The following ZNF236 variants were observed in gnomAD, a reference collection of about 807,000 sequenced individuals.
ZNF236 encodes zinc finger protein 236.
Under a neutral mutation model 191.2 loss-of-function variants are expected in ZNF236, and 50 were observed. The observed-to-expected ratio is 0.26, with a 90% CI of 0.21 to 0.33. The LOEUF (loss-of-function observed/expected upper bound fraction) is 0.33, where lower values mean the gene tolerates loss of function less well. ZNF236 is among the 10% of genes least tolerant of loss of function. ZNF236 has a pLI of 1.00. For missense variants in ZNF236, 1,754 were observed against 2,374.5 expected (o/e 0.74, Z 5.43); for synonymous variants, 907 against 928.8 (o/e 0.98, Z 0.43).
Position 76,912,250 on chromosome 18 carries a change from C to T in ZNF236, c.2812C>T (p.Arg938Cys), listed in dbSNP as rs375675852. ...PSSDGMNVTT[R>C]LIQESSQEEL... ...TACTTCTCTTAAATTTTAGACAACT[C>T]GCTTGATTCAGGAGTCATCCCAAGA... is the stretch of plus-strand genomic sequence containing the variant. Residue 938 changes from arginine (R) to cysteine (C), a missense_variant, in exon 17 of 31, where the codon CGC becomes TGC. This residue lies in a region of ZNF236 where 641 missense variants were observed against 869.6 expected (regional missense o/e 0.74). Transcript: ENST00000320610. 37 of 1,612,838 alleles carry T rather than the reference C, an allele frequency of 2.3e-5. No homozygotes were observed. The highest frequency in any genetic ancestry group is 2.0e-4 in the African/African-American group (15 of 74,866).
chr18:76,960,455 G>A lies in ZNF236; in HGVS notation c.5243-224G>A, dbSNP rs1375923371. Among the ~76,000 whole-genome samples, 1 of 152,070 alleles carries A rather than the reference G, an allele frequency of 6.6e-6. No homozygotes were observed. The highest frequency in any genetic ancestry group is 2.4e-5 in the African/African-American group (1 of 41,410). ...GCTGCATCCACCGTGGCCCTTCCAT[G>A]GCTCTCTGATCCCTCCGCCCCATCT... On this transcript the variant is annotated intron_variant, in intron 29 of 30. Transcript: ENST00000320610. The surrounding 1 kb of genome is among the most constrained non-coding windows in gnomAD (Gnocchi z 4.4).
rs187857008 is a variant in ZNF236, at chr18:76,864,480, G to A, written c.364-4205G>A. Among the ~76,000 whole-genome samples, 16 of 152,102 alleles carry A rather than the reference G, an allele frequency of 1.1e-4. No individual in the cohort carries two copies. In the East Asian group the frequency reaches 2.9e-3, roughly 28 times the overall value. On this transcript the variant is annotated intron_variant, in intron 3 of 30. Transcript: ENST00000320610. ...CTCCCAAAGTTCTGGGATTACAGGC[G>A]TGAGCCACCGCACCTGGCCAACAAA... is the stretch of plus-strand genomic sequence containing the variant.
intron 19 of ZNF236, among the ~76,000 whole-genome samples, chr18:76,918,930 G>A (rs959188908): frequency 5.3e-5 from 8 of 152,132 alleles, no homozygotes; most frequent in Admixed American, 2.0e-4. Flanking sequence ...AACTGCAGTC[G>A]GTTGAATCTA....
chr18:76,908,983 G>C (rs915580977), intron 14 of ZNF236, among the ~76,000 whole-genome samples: 1 of 141,032 alleles, frequency 7.1e-6, no homozygotes, highest in Admixed American at 6.8e-5. Context: ...GTGTGTGTGT[G>C]TGTGTGTGTG....
chr18:76,908,147 T>TTTA, intron 13 of ZNF236, among the ~76,000 whole-genome samples, 173 bp from the exon 14 acceptor site: 1 of 152,344 alleles, frequency 6.6e-6, no homozygotes, highest in East Asian at 1.9e-4. Flanking sequence ...AAACGAGCTC[T>TTTA]CTTCAGAGTT....
At chr18:76,912,164 T>C (rs1967233290) in intron 16 of ZNF236, 80 bp from the exon 17 acceptor site, 1 of 1,033,490 alleles carries the variant, frequency 9.7e-7, no homozygotes, top group East Asian at 2.5e-5. Flanking sequence ...GTTCTTATCC[T>C]TAGTTCTTAG....
chr18:76,881,523 T>C lies in ZNF236; in HGVS notation c.1417+11T>C. 1 of 1,604,212 alleles carries C rather than the reference T, an allele frequency of 6.2e-7. No homozygotes were observed. Among genetic ancestry groups the C allele is most frequent in the Non-Finnish European group, 8.5e-7 (1 of 1,176,582 alleles). On this transcript the variant is annotated intron_variant, in intron 9 of 30. Coordinates refer to ENST00000320610, the MANE Select transcript of ZNF236 (RefSeq NM_001306089.2). ...CACCGTTTCTACCTGGTAATTTTCC[T>C]AAACTTTAAAGTTTGGACATTTGGG...
intron 1 of ZNF236, among the ~76,000 whole-genome samples, chr18:76,847,504 C>G (rs1389224062): frequency 2.0e-5 from 3 of 151,832 alleles, no homozygotes; most frequent in Non-Finnish European, 2.9e-5. Context: ...CTCACTCTTT[C>G]ACCCAGGCTG....
At chr18:76,968,169 T>C in intron 30 of ZNF236, 46 bp from the exon 31 acceptor site, 2 of 1,610,694 alleles carry the variant, frequency 1.2e-6, no homozygotes, top group Non-Finnish European at 1.7e-6. Flanking sequence ...CATTTTGTGC[T>C]CTGGAAGGTC....
chr18:76,824,485 T>A, intron 1 of ZNF236: 3 of 779,990 alleles, frequency 3.8e-6, no homozygotes, highest in Non-Finnish European at 4.8e-6. Flanking sequence ...TTTAAGGAAG[T>A]CTTTGTTGCC....
At chr18:76,902,979 C>T (rs1034887622) in intron 11 of ZNF236, among the ~76,000 whole-genome samples, 15 of 151,960 alleles carry the variant, frequency 9.9e-5, no homozygotes, top group Non-Finnish European at 8.8e-5. Flanking sequence ...CTGCCTGGAG[C>T]GAGGTCTTTG....
In ZNF236 at chr18:76,919,802, C is replaced by T; in HGVS notation, c.3301C>T (p.His1101Tyr). The T allele has an allele frequency of 1.2e-6, 2 of 1,614,188 alleles. No homozygotes were observed. The highest frequency in any genetic ancestry group is 1.7e-6 in the Non-Finnish European group (2 of 1,180,000). The change falls in exon 20 of 31, where the codon CAT (histidine) becomes TAT (tyrosine). Residue 1101 changes from histidine (H) to tyrosine (Y), a missense_variant. Transcript: ENST00000320610. The surrounding 1 kb of genome is among the most constrained non-coding windows in gnomAD (Gnocchi z 5.3). Reference sequence around the variant, plus strand: ...CATTTGTATGGAGGAAGAGGAAGAACATTCTGACAGAAATGCATCACGGAA... The same window carrying T: ...CATTTGTATGGAGGAAGAGGAAGAATATTCTGACAGAAATGCATCACGGAA... ...GDICMEEEEE[H>Y]SDRNASRKSR...
chr18:76,882,987 A>G (rs1976940342), intron 9 of ZNF236, among the ~76,000 whole-genome samples: 1 of 152,196 alleles, frequency 6.6e-6, no homozygotes, highest in South Asian at 2.1e-4. Context: ...ATGCTTTCAC[A>G]TGGGCAGCAA....
chr18:76,857,553 G>C (rs181009420), intron 3 of ZNF236, among the ~76,000 whole-genome samples: 78 of 152,310 alleles, frequency 5.1e-4, no homozygotes, highest in Middle Eastern at 3.4e-3. Context: ...GTGCAAAGCA[G>C]AGGAGAGTAG....
At position 76,925,114 on chromosome 18, in the gene ZNF236, T is replaced by C; in HGVS notation, c.3662-75T>C. 6.4e-7 allele frequency: 1 copy of C among 1,552,626 alleles called. No individual in the cohort carries two copies. The highest frequency in any genetic ancestry group is 1.2e-5 in the South Asian group (1 of 80,764). On this transcript the variant is annotated intron_variant, in intron 21 of 30. Coordinates refer to ENST00000320610, the MANE Select transcript of ZNF236 (RefSeq NM_001306089.2). The surrounding 1 kb of genome is among the most constrained non-coding windows in gnomAD (Gnocchi z 5.7). ...TGATTCAACATATTTACATCCATAG[T>C]GACAGCTGAGTGGGGTGGGGGTGAG...
At chr18:76,862,287 A>G (rs1196113895) in intron 3 of ZNF236, among the ~76,000 whole-genome samples, 15 of 152,196 alleles carry the variant, frequency 9.9e-5, no homozygotes, top group Non-Finnish European at 1.3e-4. Flanking sequence ...GTACTGGGAA[A>G]AGGTTGGTCC....
chr18:76,931,614 C>T (rs956322159), intron 25 of ZNF236, among the ~76,000 whole-genome samples: 2 of 152,166 alleles, frequency 1.3e-5, no homozygotes, highest in Non-Finnish European at 1.5e-5. Flanking sequence ...AATTTTCTGA[C>T]ACCAGCTGAA....
intron 1 of ZNF236, chr18:76,840,757 C>T (rs1975462771): frequency 8.1e-6 from 1 of 123,916 alleles, no homozygotes; most frequent in Non-Finnish European, 1.6e-5. Flanking sequence ...CCTGTTTTAT[C>T]AGCAAGGTCT....
In ZNF236 at chr18:76,892,809, C is replaced by T. The variant is rs1286246606; in HGVS notation, c.1418-2204C>T. Among the ~76,000 whole-genome samples the T allele has an allele frequency of 6.6e-5, 10 of 152,316 alleles. 1 individual carries two copies. Among genetic ancestry groups the T allele is most frequent in the South Asian group, 2.1e-4 (1 of 4,822 alleles). ...TTTGAACTGCTGACTTCAGGTGATC[C>T]GCCCGCCTCGGCCTCCCAAAGTGCT... On this transcript the variant is annotated intron_variant, in intron 9 of 30. Transcript: ENST00000320610.
Sources: gnomAD v4.1 joint callset for allele counts (sites outside exome capture counted in the v4.1 genomes callset) on GRCh38, gnomAD v4.1.1 for gene constraint, gnomAD v4.1.1 regional missense constraint, Gnocchi (gnomAD v3.1) non-coding constraint, MANE v1.5 for transcripts, NCBI Gene and HGNC (gene_info 2026-07-23, HGNC 2026-07-21) for gene names.